The following CCNYL1 variants were observed in gnomAD, a reference collection of about 807,000 sequenced individuals.
CCNYL1 encodes cyclin Y like 1, also known as cyclin-Y-like protein 1.
In CCNYL1, 16 loss-of-function variants were observed where a neutral mutation model predicts 44.2. The ratio of observed to expected loss-of-function variants is 0.36; its 90% CI spans 0.25 to 0.55. The LOEUF (loss-of-function observed/expected upper bound fraction) is 0.55, where lower values mean the gene tolerates loss of function less well. CCNYL1 is among the 20% of genes least tolerant of loss of function. The probability of loss-of-function intolerance (pLI) is 0.85; values close to 1 mark genes in which losing one functional copy is unlikely to be tolerated. For missense variants in CCNYL1, 348 were observed against 451.8 expected, an observed-to-expected ratio of 0.77 and a Z score of 2.08; for synonymous variants, 159 against 163.2, an observed-to-expected ratio of 0.97 and a Z score of 0.20.
chr2:207,729,089 A>G (rs2091701618), intron 3 of CCNYL1, among the ~76,000 whole-genome samples: 2 of 152,026 alleles, frequency 1.3e-5, no homozygotes, highest in African/African-American at 2.4e-5. Context: ...GAGCCACCGC[A>G]CCCGGCCTAG....
At chr2:207,740,574 C>G (rs1366137356) in intron 5 of CCNYL1, 81 bp from the exon 6 acceptor site, 1 of 937,066 alleles carries the variant, frequency 1.1e-6, no homozygotes, top group Non-Finnish European at 1.7e-6. Flanking sequence ...GGAGGCATCT[C>G]CCGCCACCCC....
chr2:207,720,771 AG>A (rs139490663), intron 1 of CCNYL1, among the ~76,000 whole-genome samples: 6 of 152,330 alleles, frequency 3.9e-5, no homozygotes, highest in African/African-American at 1.4e-4. Flanking sequence ...AAATACACAA[AG>A]GGAGAAAGGT....
intron 1 of CCNYL1, among the ~76,000 whole-genome samples, chr2:207,719,770 C>G (rs1027616323): frequency 6.6e-6 from 1 of 151,788 alleles, no homozygotes. Flanking sequence ...TCTCTGTTGC[C>G]GAGGCTGGAG....
At chr2:207,742,687 A>G (rs2091820548) in intron 7 of CCNYL1, among the ~76,000 whole-genome samples, 1 of 152,212 alleles carries the variant, frequency 6.6e-6, no homozygotes. Context: ...CATGTGGTTC[A>G]GAGCCAGATA....
chr2:207,735,857 C>G (rs908800322), intron 4 of CCNYL1, among the ~76,000 whole-genome samples: 2 of 151,974 alleles, frequency 1.3e-5, no homozygotes, highest in Non-Finnish European at 1.5e-5. Context: ...GAGCAAGACT[C>G]TGTCTCAAAA....
intron 3 of CCNYL1, among the ~76,000 whole-genome samples, chr2:207,731,747 G>C (rs1242766215): frequency 1.3e-5 from 2 of 151,570 alleles, no homozygotes; most frequent in African/African-American, 4.9e-5. Flanking sequence ...AAAAAATTTG[G>C]ATAGTTGAAA....
At chr2:207,719,632 C>T (rs1222992882) in intron 1 of CCNYL1, among the ~76,000 whole-genome samples, 2 of 152,062 alleles carry the variant, frequency 1.3e-5, no homozygotes, top group African/African-American at 2.4e-5. Flanking sequence ...TCATTTTATT[C>T]TCACTATATT....
intron 6 of CCNYL1, among the ~76,000 whole-genome samples, chr2:207,741,209 C>T (rs2091806950): frequency 6.6e-6 from 1 of 151,818 alleles, no homozygotes; most frequent in Non-Finnish European, 1.5e-5. Context: ...GAGCCAAGAT[C>T]GCTCCACTGC....
At chr2:207,748,452 G>A (rs935295188) in intron 8 of CCNYL1, among the ~76,000 whole-genome samples, 1 of 152,180 alleles carries the variant, frequency 6.6e-6, no homozygotes, top group African/African-American at 2.4e-5. Context: ...GGCTGGCCTC[G>A]TGTCGGCCGT....
At chr2:207,734,516 G>C (rs2091750768) in intron 4 of CCNYL1, among the ~76,000 whole-genome samples, 2 of 152,186 alleles carry the variant, frequency 1.3e-5, no homozygotes, top group African/African-American at 4.8e-5. Flanking sequence ...AGCACCTCTT[G>C]GGCACAATCT....
chr2:207,751,078 C>G lies in CCNYL1; in HGVS notation c.928C>G (p.Leu310Val), dbSNP rs1295958700. Reference sequence around the variant, plus strand: ...AGCAGATGACAACAACCTGAATTTTCTATTTGCTCCTCTTAGCAAAGAAAG... The same window carrying G: ...AGCAGATGACAACAACCTGAATTTTGTATTTGCTCCTCTTAGCAAAGAAAG... Reference protein sequence around the residue: ...SLADDNNLNFLFAPLSKERAQ... With the variant: ...SLADDNNLNFVFAPLSKERAQ... Residue 310 changes from leucine to valine, a missense_variant, in exon 9 of 10, where the codon CTA becomes GTA. Leu to Val is a conservative substitution (Grantham distance 32). This residue lies in a region of CCNYL1 where 94 missense variants were observed against 102.4 expected (regional missense o/e 0.92). Coordinates refer to ENST00000295414, the MANE Select transcript of CCNYL1 (RefSeq NM_001330218.2). 2.5e-6 allele frequency: 4 copies of G among 1,614,076 alleles called. No individual in the cohort carries two copies. Among genetic ancestry groups the G allele is most frequent in the Non-Finnish European group, 3.4e-6 (4 of 1,179,972 alleles).
intron 1 of CCNYL1, among the ~76,000 whole-genome samples, chr2:207,716,686 A>G (rs577370876): frequency 6.6e-6 from 1 of 152,218 alleles, no homozygotes; most frequent in Non-Finnish European, 1.5e-5. Context: ...CATCATACAC[A>G]GTCTCATTAC....
chr2:207,753,538 G>A (rs755450274), intron 9 of CCNYL1, 50 bp from the exon 10 acceptor site: 1 of 1,261,578 alleles, frequency 7.9e-7, no homozygotes, highest in Non-Finnish European at 1.2e-6. Context: ...TTCAAAGGCG[G>A]GAACCCTTTT....
At chr2:207,752,719 G>T (rs1328828786) in intron 9 of CCNYL1, among the ~76,000 whole-genome samples, 3 of 152,058 alleles carry the variant, frequency 2.0e-5, no homozygotes, top group African/African-American at 7.2e-5. Flanking sequence ...AGAATAATAT[G>T]TATTTCTAGG....
rs753471957 is a variant in CCNYL1, at chr2:207,724,810, G to A, written c.231G>A (p.Leu77=). ...CCTCCTCTTCTATAGATTTAGCTTT[G>A]GAGTCAAACCCTTCTGACCATCCAA... ...SDREMPEDLA[L]ESNPSDHPRA... Residue 77 remains leucine (L), a synonymous_variant, in exon 2 of 10, where the codon TTG becomes TTA. Coordinates refer to ENST00000295414, the MANE Select transcript of CCNYL1 (RefSeq NM_001330218.2). The A allele has an allele frequency of 2.5e-6, 4 of 1,612,688 alleles. No individual in the cohort carries two copies. The highest frequency in any genetic ancestry group is 3.4e-6 in the Non-Finnish European group (4 of 1,179,218).
chr2:207,737,811 G>C lies in CCNYL1; in HGVS notation c.467+365G>C, dbSNP rs2091777042. Among the ~76,000 whole-genome samples, 7 of 152,212 alleles carry C rather than the reference G, an allele frequency of 4.6e-5. 2 individuals carry two copies. The South Asian group carries it at 1.4e-3, about 32-fold the overall frequency. On this transcript the variant is annotated intron_variant, in intron 5 of 9. Coordinates refer to ENST00000295414, the MANE Select transcript of CCNYL1 (RefSeq NM_001330218.2). Reference sequence around the variant, plus strand: ...GTGTATTGTAGGATATTTAACAGCTGTCCCAGGTTGTGACAACAAAAATAT... The same window carrying C: ...GTGTATTGTAGGATATTTAACAGCTCTCCCAGGTTGTGACAACAAAAATAT...
At position 207,737,396 on chromosome 2, in the gene CCNYL1, T is replaced by C. The variant is rs775116054; in HGVS notation, c.432-15T>C. On this transcript the variant is annotated splice_polypyrimidine_tract_variant and intron_variant, in intron 4 of 9. Transcript: ENST00000295414. ...TAAATCAGTTGTTAAAAATAATTTTTTTTTCCCTTCACAGTGTGACCTTAG... is the reference window on the plus strand; with the variant it reads ...TAAATCAGTTGTTAAAAATAATTTTCTTTTCCCTTCACAGTGTGACCTTAG... 2 of 1,597,704 alleles carry C rather than the reference T, an allele frequency of 1.3e-6. No homozygotes were observed. Among genetic ancestry groups the C allele is most frequent in the South Asian group, 1.1e-5 (1 of 89,960 alleles).
chr2:207,718,367 G>T (rs1397814172), intron 1 of CCNYL1, among the ~76,000 whole-genome samples: 1 of 152,032 alleles, frequency 6.6e-6, no homozygotes, highest in Non-Finnish European at 1.5e-5. Flanking sequence ...AATTAGCCAG[G>T]TGTGGTGGCA....
At chr2:207,719,523 A>G (rs2091623360) in intron 1 of CCNYL1, among the ~76,000 whole-genome samples, 1 of 152,104 alleles carries the variant, frequency 6.6e-6, no homozygotes, top group African/African-American at 2.4e-5. Flanking sequence ...CTGGTCTTGA[A>G]TTCCTGACCT....
Sources: gnomAD v4.1 joint callset for allele counts (sites outside exome capture counted in the v4.1 genomes callset) on GRCh38, gnomAD v4.1.1 for gene constraint, gnomAD v4.1.1 regional missense constraint, MANE v1.5 for transcripts, NCBI Gene and HGNC (gene_info 2026-07-23, HGNC 2026-07-21) for gene names.